Variants in TP53I11 observed in about 807,000 individuals in gnomAD.
The protein encoded by TP53I11 is tumor protein p53 inducible protein 11.
In TP53I11, 9 loss-of-function variants were observed where a neutral mutation model predicts 23.3. The ratio of observed to expected loss-of-function variants is 0.39; its 90% CI spans 0.23 to 0.67. The LOEUF is 0.67. Among genes scored for constraint, TP53I11 ranks in the 30% least tolerant of loss-of-function variants. The pLI, the probability that TP53I11 is intolerant of heterozygous loss-of-function variation, is 0.48. For synonymous variants in TP53I11, 100 were observed against 106.1 expected, an observed-to-expected ratio of 0.94 and a Z score of 0.35; for missense variants, 170 against 255.2, an observed-to-expected ratio of 0.67 and a Z score of 2.27.
chr11:44,943,238 C>T (rs1032084143), intron 1 of TP53I11: 3 of 152,324 alleles, frequency 2.0e-5, no homozygotes, highest in Non-Finnish European at 4.4e-5. Context: ...GAGTCTGGCC[C>T]TCCTTCCACT....
Position 44,936,102 on chromosome 11 carries a change from G to T in TP53I11, c.335-440C>A. ...GAAAACCTGAGCCCGGTAAGGACTC[G>T]CTTTAAGGAAGTCCCCTGGGGGAGG... is the stretch of plus-strand genomic sequence containing the variant. On this transcript the variant is annotated intron_variant, in intron 5 of 6. Transcript: ENST00000525680. The surrounding 1 kb of genome is among the most constrained non-coding windows in gnomAD (Gnocchi z 4.4). 3.6e-6 allele frequency: 2 copies of T among 554,388 alleles called. No individual in the cohort carries two copies. The highest frequency in any genetic ancestry group is 2.3e-6 in the Non-Finnish European group (1 of 426,566). 34.3% of individuals were successfully genotyped at this position (554,388 alleles called of 1,614,324 possible). A position where few individuals can be genotyped will look rare whatever the true frequency, so the allele number is the denominator to read the frequency against.
Position 44,934,321 on chromosome 11 carries a change from GTA to G in TP53I11, c.*561_*562del, listed in dbSNP as rs1160501364. 1.8e-5 allele frequency: 3 copies of G among 164,872 alleles called. No individual in the cohort carries two copies. The highest frequency in any genetic ancestry group is 3.3e-4 in the East Asian group (2 of 6,116). The allele number at this position is 164,872 out of a possible 1,614,324, so 10.2% of individuals were successfully genotyped here. A position where few individuals can be genotyped will look rare whatever the true frequency, so the allele number is the denominator to read the frequency against. ...TGTCTGTGTGTGTGTTCAGGGGTGT[GTA>G]TGTGTGTGTGTTGTGTGTCTGTGTG... On this transcript the variant is annotated 3_prime_UTR_variant, in exon 7 of 7. Transcript: ENST00000525680.
At chr11:44,949,117 C>T (rs1183686977) in intron 1 of TP53I11, among the ~76,000 whole-genome samples, 1 of 152,208 alleles carries the variant, frequency 6.6e-6, no homozygotes, top group Non-Finnish European at 1.5e-5. Context: ...ACCCATTTTA[C>T]AGATGGGACA....
chr11:44,948,912 G>A (rs1180407510), intron 1 of TP53I11, among the ~76,000 whole-genome samples: 1 of 152,240 alleles, frequency 6.6e-6, no homozygotes, highest in Non-Finnish European at 1.5e-5. Flanking sequence ...AGGCAGAGCT[G>A]TGCAGAAAAT....
chr11:44,946,244 C>T (rs1565123204), intron 1 of TP53I11, among the ~76,000 whole-genome samples: 2 of 152,174 alleles, frequency 1.3e-5, no homozygotes, highest in South Asian at 2.1e-4. Flanking sequence ...CAGGTTTCAT[C>T]GGAGGCCCAC....
chr11:44,935,072 C>A, intron 6 of TP53I11, 55 bp from the exon 7 acceptor site: 3 of 1,605,914 alleles, frequency 1.9e-6, no homozygotes, highest in South Asian at 1.1e-5. Context: ...TGTGTCCCAG[C>A]GCTGCCCCCC....
In TP53I11 at chr11:44,937,644, G is replaced by T. The variant is rs760857295; in HGVS notation, c.130-31C>A. On this transcript the variant is annotated intron_variant, in intron 2 of 6. Transcript: ENST00000525680. ...GACAGAGGGGGTCAGAGGCAACCAGGGTGAGGGCAGCTCTCAGCGCCCCCA... is the reference window on the plus strand; with the variant it reads ...GACAGAGGGGGTCAGAGGCAACCAGTGTGAGGGCAGCTCTCAGCGCCCCCA... The T allele has an allele frequency of 2.5e-6, 4 of 1,610,276 alleles. No individual in the cohort carries two copies. In the South Asian group the frequency reaches 4.4e-5, roughly 18 times the overall value.
rs61752934 is a variant in TP53I11, at chr11:44,934,908, G to A, written c.546C>T (p.Val182=). ...ACTAGGCCTTCTTGGGTCTTCGGCC[G>A]ACTTGGTAATAGTAGTAAATGCTGA... ...VVISIYYYYQ[V]GRRPKKA is the part of the protein sequence containing the mutation. The change falls in exon 7 of 7, where the codon GTC becomes GTT. Residue 182 remains valine (V), a synonymous_variant. Coordinates refer to ENST00000525680, the MANE Select transcript of TP53I11 (RefSeq NM_006034.5). 0.044 allele frequency: 70,500 copies of A among 1,614,072 alleles called. 1,991 individuals are homozygous for A. The highest frequency in any genetic ancestry group is 0.047 in the Non-Finnish European group (55,738 of 1,179,988).
chr11:44,935,720 G>T, intron 5 of TP53I11, 58 bp from the exon 6 acceptor site: 1 of 1,295,710 alleles, frequency 7.7e-7, no homozygotes, highest in Non-Finnish European at 1.1e-6. Context: ...CTCCCAGCAG[G>T]GCAGGAGGAC....
intron 1 of TP53I11, among the ~76,000 whole-genome samples, chr11:44,946,124 G>C (rs1011366744): frequency 2.6e-5 from 4 of 152,180 alleles, no homozygotes; most frequent in Non-Finnish European, 4.4e-5. Context: ...TGGTCCCTGA[G>C]TCACAAGGCT....
chr11:44,936,497 T>G lies in TP53I11; in HGVS notation c.334+306A>C. 1 of 1,241,184 alleles carries G rather than the reference T, an allele frequency of 8.1e-7. No individual in the cohort carries two copies. Among genetic ancestry groups the G allele is most frequent in the Non-Finnish European group, 1.0e-6 (1 of 993,266 alleles). The allele number at this position is 1,241,184 out of a possible 1,614,324, so 76.9% of individuals were successfully genotyped here. A position where few individuals can be genotyped will look rare whatever the true frequency, so the allele number is the denominator to read the frequency against. On this transcript the variant is annotated intron_variant, in intron 5 of 6. Coordinates refer to ENST00000525680, the MANE Select transcript of TP53I11 (RefSeq NM_006034.5). This position sits in a 1 kb window ranked among gnomAD's most constrained non-coding sequence, Gnocchi z 4.4. ...GCCTCTCCTCTAGGCTGTGAATTCC[T>G]AGAGGCTGGGCCTGGGCTTCCTCCA...
rs114703546 is a variant in TP53I11 at position 44,934,680 on chromosome 11, G to A, written c.*204C>T. The A allele has an allele frequency of 0.02, 13,087 of 657,370 alleles. 1,296 individuals carry two copies. The African/African-American group carries it at 0.21, about 11-fold the overall frequency. 40.7% of individuals were successfully genotyped at this position (657,370 alleles called of 1,614,324 possible). A position where few individuals can be genotyped will look rare whatever the true frequency, so the allele number is the denominator to read the frequency against. On this transcript the variant is annotated 3_prime_UTR_variant, in exon 7 of 7. Coordinates refer to ENST00000525680, the MANE Select transcript of TP53I11 (RefSeq NM_006034.5). ...GCAGCAGAGGCCCTGTCTCTCCCCAGACCAGCATGTCAAGCCTGAAAGCCC... is the reference window on the plus strand; with the variant it reads ...GCAGCAGAGGCCCTGTCTCTCCCCAAACCAGCATGTCAAGCCTGAAAGCCC...
chr11:44,936,923 G>C lies in TP53I11; in HGVS notation c.238-24C>G. ...GCCTGCGGGCAGCGAGAGGGGCTCA[G>C]AGGTCCCGCTTGGGAGAGGGTGGGG... On this transcript the variant is annotated intron_variant, in intron 4 of 6. Coordinates refer to ENST00000525680, the MANE Select transcript of TP53I11 (RefSeq NM_006034.5). This position sits in a 1 kb window ranked among gnomAD's most constrained non-coding sequence, Gnocchi z 4.4. 2 of 1,561,922 alleles carry C rather than the reference G, an allele frequency of 1.3e-6. No homozygotes were observed. Among genetic ancestry groups the C allele is most frequent in the Non-Finnish European group, 1.7e-6 (2 of 1,147,866 alleles).
At position 44,936,844 on chromosome 11, in the gene TP53I11, G is replaced by C; in HGVS notation, c.293C>G (p.Thr98Ser). The C allele has an allele frequency of 6.2e-7, 1 of 1,609,452 alleles. No homozygotes were observed. Among genetic ancestry groups the C allele is most frequent in the Non-Finnish European group, 8.5e-7 (1 of 1,178,452 alleles). Residue 98 changes from threonine to serine, a missense_variant, in exon 5 of 7, where the codon ACC becomes AGC. Transcript: ENST00000525680. This position sits in a 1 kb window ranked among gnomAD's most constrained non-coding sequence, Gnocchi z 4.4. ...GTAGAGGCGGATGGGGGTCTTGCTG[G>C]TCACCTGGGCTCCATCAAAGACCGC... ...YDAVFDGAQV[T>S]SKTPIRLYGG...
chr11:44,947,272 C>T lies in TP53I11; in HGVS notation c.-32+3405G>A, dbSNP rs1862479826. ...CGACTCTGAGAATAGGCCAGCCTGC[C>T]CCTTGGCCCAGTGACCATGTCAGGG... On this transcript the variant is annotated intron_variant, in intron 1 of 6. Coordinates refer to ENST00000525680, the MANE Select transcript of TP53I11 (RefSeq NM_006034.5). The T allele has an allele frequency of 7.9e-6, 3 of 379,780 alleles. No individual in the cohort carries two copies. In the Admixed American group the frequency reaches 9.2e-5, roughly 12 times the overall value. 23.5% of individuals were successfully genotyped at this position (379,780 alleles called of 1,614,324 possible). A position where few individuals can be genotyped will look rare whatever the true frequency, so the allele number is the denominator to read the frequency against.
intron 1 of TP53I11, among the ~76,000 whole-genome samples, chr11:44,944,028 C>A (rs1862155622): frequency 6.6e-6 from 1 of 152,202 alleles, no homozygotes; most frequent in African/African-American, 2.4e-5. Flanking sequence ...TCAAAAGTGG[C>A]CACTCTCTGT....
intron 1 of TP53I11, among the ~76,000 whole-genome samples, chr11:44,940,135 C>T (rs925296606): frequency 6.6e-6 from 1 of 152,242 alleles, no homozygotes; most frequent in African/African-American, 2.4e-5. Context: ...ACGTCCCTCC[C>T]GTGGCCAGGC....
Position 44,933,610 on chromosome 11 carries a change from C to T in TP53I11, c.*1274G>A, listed in dbSNP as rs111395497. 4 of 154,272 alleles carry T rather than the reference C, an allele frequency of 2.6e-5. No individual in the cohort carries two copies. The highest frequency in any genetic ancestry group is 1.8e-4 in the South Asian group (1 of 5,508). 9.6% of individuals were successfully genotyped at this position (154,272 alleles called of 1,614,324 possible). On this transcript the variant is annotated 3_prime_UTR_variant, in exon 7 of 7. Transcript: ENST00000525680. The stretch of plus-strand genomic sequence containing the variant: ...GGTGGGCCCTCAGGGAGAAGCTGGG[C>T]GGTGGGTATGCAGCACAGGCTGGTG...
intron 1 of TP53I11, 131 bp from the exon 2 acceptor site, chr11:44,938,497 AG>A: frequency 9.2e-7 from 1 of 1,088,458 alleles, no homozygotes; most frequent in Non-Finnish European, 1.3e-6. Context: ...CCAGGGCAGT[AG>A]GGGGAGTACA....
Sources: allele counts gnomAD v4.1 joint callset (sites outside exome capture counted in the v4.1 genomes callset), GRCh38; gene constraint gnomAD v4.1.1; non-coding constraint Gnocchi (gnomAD v3.1); transcripts MANE v1.5; gene names NCBI Gene and HGNC (gene_info 2026-07-23, HGNC 2026-07-21).